SLC15A1: variants seen among roughly 807,000 people sequenced by gnomAD.
SLC15A1 encodes Caco-2 oligopeptide transporter.
A neutral mutation model predicts 92.9 loss-of-function variants in SLC15A1; 83 were observed. The observed-to-expected ratio is 0.89, with a 90% CI of 0.75 to 1.07. SLC15A1 has a LOEUF of 1.07. SLC15A1 is among the 50% of genes least tolerant of loss of function. The pLI is 0.00. For synonymous variants in SLC15A1, 322 were observed against 318.2 expected, an observed-to-expected ratio of 1.01 and a Z score of -0.13; for missense variants, 857 against 880.1, an observed-to-expected ratio of 0.97 and a Z score of 0.33.
intron 1 of SLC15A1, among the ~76,000 whole-genome samples, chr13:98,733,813 T>G (rs1282130561): frequency 4.6e-5 from 7 of 152,158 alleles, no homozygotes; most frequent in Non-Finnish European, 1.0e-4. Flanking sequence ...ATAGTTTGCA[T>G]GTATGTCCCC....
At chr13:98,717,442 TC>T (rs1199078011) in intron 8 of SLC15A1, among the ~76,000 whole-genome samples, 2 of 152,230 alleles carry the variant, frequency 1.3e-5, no homozygotes, top group Non-Finnish European at 1.5e-5. Flanking sequence ...TTTGGCCTGT[TC>T]TCAATTCCTC....
chr13:98,716,532 G>C (rs1295039444), intron 8 of SLC15A1, among the ~76,000 whole-genome samples: 1 of 151,612 alleles, frequency 6.6e-6, no homozygotes, highest in African/African-American at 2.4e-5. Context: ...TGAGGCAGGA[G>C]AATTGCTTGA....
At chr13:98,725,732 A>C (rs932950) in intron 4 of SLC15A1, among the ~76,000 whole-genome samples, 5,191 of 152,140 alleles carry the variant, frequency 0.034, 113 homozygotes, top group South Asian at 0.054. Context: ...TTCTGTTTTT[A>C]ATTTGTTTTT....
intron 10 of SLC15A1, 75 bp from the exon 11 acceptor site, chr13:98,712,018 TG>T: frequency 9.4e-7 from 1 of 1,069,030 alleles, no homozygotes. Context: ...CAGGTGCTGC[TG>T]ATTTCAGTGG....
rs776675923 is a variant in SLC15A1, at chr13:98,726,303, A to C, written c.104-39T>G. The C allele has an allele frequency of 2.5e-6, 4 of 1,613,186 alleles. No individual in the cohort carries two copies. The African/African-American group carries it at 5.4e-5, about 22-fold the overall frequency. On this transcript the variant is annotated intron_variant, in intron 3 of 22. Coordinates refer to ENST00000376503, the MANE Select transcript of SLC15A1 (RefSeq NM_005073.4). ...CAGGTGGAAGAGGAGGGGGAAACAA[A>C]GTTAGGACTGGTTATGGCCACTCCC...
chr13:98,693,983 G>A (rs1405181076), intron 18 of SLC15A1, among the ~76,000 whole-genome samples: 2 of 152,122 alleles, frequency 1.3e-5, no homozygotes, highest in Non-Finnish European at 2.9e-5. Flanking sequence ...CTCCCCAGGT[G>A]GCCTCCCTCA....
intron 18 of SLC15A1, among the ~76,000 whole-genome samples, chr13:98,700,253 G>C (rs937278179): frequency 3.3e-5 from 5 of 152,010 alleles, no homozygotes; most frequent in African/African-American, 1.2e-4. Flanking sequence ...TCGGGAGTCT[G>C]GGGTGGGAGG....
Position 98,719,382 on chromosome 13 carries a change from T to C in SLC15A1, c.557-62A>G, listed in dbSNP as rs1331265366. The C allele has an allele frequency of 4.2e-6, 5 of 1,187,182 alleles. No individual in the cohort carries two copies. In the Admixed American group the frequency reaches 8.6e-5, roughly 20 times the overall value. The allele number at this position is 1,187,182 out of a possible 1,614,324, so 73.5% of individuals were successfully genotyped here. A position where few individuals can be genotyped will look rare whatever the true frequency, so the allele number is the denominator to read the frequency against. ...TTGGTAATGAGCATATAGTTCCCATTTGTAAAGATCCCTCACTGATAATTA... is the reference window on the plus strand; with the variant it reads ...TTGGTAATGAGCATATAGTTCCCATCTGTAAAGATCCCTCACTGATAATTA... On this transcript the variant is annotated intron_variant, in intron 7 of 22. Coordinates refer to ENST00000376503, the MANE Select transcript of SLC15A1 (RefSeq NM_005073.4).
chr13:98,725,424 T>C lies in SLC15A1; in HGVS notation c.245+699A>G, dbSNP rs191224889. ...TGGAGGGCTGGGTGACTTCTCTCTT[T>C]AGTGACCTCACACCATGTGACCTCA... On this transcript the variant is annotated intron_variant, in intron 4 of 22. Coordinates refer to ENST00000376503, the MANE Select transcript of SLC15A1 (RefSeq NM_005073.4). 1.3e-4 allele frequency among the ~76,000 whole-genome samples: 20 copies of C among 152,168 alleles called. No individual in the cohort carries two copies. The East Asian group carries it at 3.7e-3, about 28-fold the overall frequency.
At chr13:98,693,617 G>A (rs1399238415) in intron 18 of SLC15A1, among the ~76,000 whole-genome samples, 1 of 152,142 alleles carries the variant, frequency 6.6e-6, no homozygotes, top group African/African-American at 2.4e-5. Flanking sequence ...CTGGATATAA[G>A]TCCCTTATCA....
Position 98,712,976 on chromosome 13 carries a change from T to G in SLC15A1, c.724-392A>C, listed in dbSNP as rs2088177608. ...TAATAGGTAATCAATATTTAAAAAT[T>G]AATAAGAATTTTTACCTTCTTCTTC... On this transcript the variant is annotated intron_variant, in intron 9 of 22. Transcript: ENST00000376503. Among the ~76,000 whole-genome samples the G allele has an allele frequency of 2.0e-5, 3 of 152,240 alleles. No individual in the cohort carries two copies. The South Asian group carries it at 6.2e-4, about 31-fold the overall frequency.
chr13:98,752,127 AAG>A (rs1287671596), intron 1 of SLC15A1, among the ~76,000 whole-genome samples: 3 of 152,186 alleles, frequency 2.0e-5, no homozygotes, highest in African/African-American at 2.4e-5. Context: ...GGGGGCCACA[AAG>A]AGAGGCCCCA....
chr13:98,717,456 G>A (rs1310308546), intron 8 of SLC15A1, among the ~76,000 whole-genome samples: 2 of 152,166 alleles, frequency 1.3e-5, no homozygotes, highest in African/African-American at 2.4e-5. Flanking sequence ...AATTCCTCCA[G>A]AAGAAAAAGC....
At chr13:98,712,261 A>G (rs1457752429) in intron 10 of SLC15A1, among the ~76,000 whole-genome samples, 2 of 152,206 alleles carry the variant, frequency 1.3e-5, no homozygotes, top group African/African-American at 4.8e-5. Context: ...ATTACATATA[A>G]TTAATGCCAG....
At chr13:98,724,110 C>G in intron 4 of SLC15A1, 79 bp from the exon 5 acceptor site, 1 of 1,570,664 alleles carries the variant, frequency 6.4e-7, no homozygotes. Context: ...AAAAGACCCC[C>G]TCCTTGAAAG....
chr13:98,684,975 T>G (rs2087919282), intron 22 of SLC15A1, 60 bp from the exon 23 acceptor site: 1 of 1,419,510 alleles, frequency 7.0e-7, no homozygotes, highest in African/African-American at 1.4e-5. Flanking sequence ...GTCATACTGA[T>G]GAATATATGG....
chr13:98,748,137 CT>C (rs1252986408), intron 1 of SLC15A1, among the ~76,000 whole-genome samples: 2 of 152,176 alleles, frequency 1.3e-5, no homozygotes, highest in African/African-American at 4.8e-5. Context: ...TTCCTGCCCC[CT>C]GAGGATATAA....
intron 22 of SLC15A1, 75 bp from the exon 23 acceptor site, chr13:98,684,990 T>C (rs2087919422): frequency 5.4e-6 from 7 of 1,292,756 alleles, no homozygotes; most frequent in Non-Finnish European, 2.1e-6. Flanking sequence ...ATATGGTGCG[T>C]ACATGTTCTT....
rs2088000154 is a variant in SLC15A1, at chr13:98,693,687, A to C, written c.1467-5110T>G. Among the ~76,000 whole-genome samples, 6 of 152,208 alleles carry C rather than the reference A, an allele frequency of 3.9e-5. No individual in the cohort carries two copies. The South Asian group carries it at 1.2e-3, about 31-fold the overall frequency. On this transcript the variant is annotated intron_variant, in intron 18 of 22. Transcript: ENST00000376503. ...TGGGTTGTCCTTTCAATTCTTGATG[A>C]CACCATTTGCAGCACAAAAGTTTTC...
Sources: allele counts gnomAD v4.1 joint callset (sites outside exome capture counted in the v4.1 genomes callset), GRCh38; gene constraint gnomAD v4.1.1; transcripts MANE v1.5; gene names NCBI Gene and HGNC (gene_info 2026-07-23, HGNC 2026-07-21).